Variants in KLHL18 observed in about 807,000 individuals in gnomAD.
KLHL18 encodes kelch like family member 18, also known as kelch-like protein 18.
In KLHL18, 38 loss-of-function variants were observed where a neutral mutation model predicts 58.5. That is an observed-to-expected ratio of 0.65 (90% CI 0.50 to 0.85). The LOEUF (loss-of-function observed/expected upper bound fraction) is 0.85. Among genes scored for constraint, KLHL18 ranks in the 40% least tolerant of loss-of-function variants. The pLI, the probability that KLHL18 is intolerant of heterozygous loss-of-function variation, is 0.00. For synonymous variants in KLHL18, 303 were observed against 301.9 expected, an observed-to-expected ratio of 1.00 and a Z score of -0.04; for missense variants, 624 against 778.4, an observed-to-expected ratio of 0.80 and a Z score of 2.36.
At chr3:47,342,858 G>GGGGA in intron 9 of KLHL18, 28 bp downstream of exon 9, 1 of 1,480,052 alleles carries the variant, frequency 6.8e-7, no homozygotes, top group Non-Finnish European at 9.4e-7. Flanking sequence ...CTGGGATAAG[G>GGGGA]GTACCTACTT....
chr3:47,324,850 A>G lies in KLHL18; in HGVS notation c.401+2142A>G, dbSNP rs537563574. 1.5e-3 allele frequency among the ~76,000 whole-genome samples: 236 copies of G among 152,302 alleles called. 1 individual carries two copies. The highest frequency in any genetic ancestry group is 3.0e-3 in the Non-Finnish European group (201 of 68,030). On this transcript the variant is annotated intron_variant, in intron 3 of 9. Coordinates refer to ENST00000232766, the MANE Select transcript of KLHL18 (RefSeq NM_025010.5). ...CTGTCTCTAAAAACTAAAAAGAAAAAAGAAAAGTCATTTTTAGGCCAGTGC... is the reference window on the plus strand; with the variant it reads ...CTGTCTCTAAAAACTAAAAAGAAAAGAGAAAAGTCATTTTTAGGCCAGTGC...
At position 47,344,243 on chromosome 3, in the gene KLHL18, C is replaced by G. The variant is rs570404494; in HGVS notation, c.*302C>G. The G allele has an allele frequency of 2.0e-4, 84 of 410,616 alleles. No homozygotes were observed. Among genetic ancestry groups the G allele is most frequent in the Middle Eastern group, 1.3e-3 (2 of 1,548 alleles). 25.4% of individuals were successfully genotyped at this position (410,616 alleles called of 1,614,324 possible). On this transcript the variant is annotated 3_prime_UTR_variant, in exon 10 of 10. Transcript: ENST00000232766. ...CCATCCAGGCCCAGCTCCTACCCAC[C>G]GCCTCTCTGTGGGCCAGCTGTTCAC...
intron 8 of KLHL18, 128 bp downstream of exon 8, chr3:47,340,804 C>T (rs1704093734): frequency 1.1e-6 from 1 of 910,202 alleles, no homozygotes; most frequent in Non-Finnish European, 1.7e-6. Flanking sequence ...CCGTATAGTA[C>T]TTTGTATATA....
rs111975390 is a variant in KLHL18, at chr3:47,334,695, C to T, written c.774C>T (p.Asp258=). The T allele has an allele frequency of 2.5e-5, 40 of 1,614,000 alleles. No individual in the cohort carries two copies. In the Admixed American group the frequency reaches 3.2e-4, roughly 13 times the overall value. The change falls in exon 6 of 10, where the codon GAC becomes GAT. Residue 258 remains aspartate (D), a synonymous_variant. Transcript: ENST00000232766. This position sits in a 1 kb window ranked among gnomAD's most constrained non-coding sequence, Gnocchi z 4.7. ...RCCHKCRDLV[D]EAKDYHLMPE... is the part of the protein sequence containing the mutation. ...CACCTTATTCTAGGGACCTGGTAGA[C>T]GAAGCAAAGGACTACCACCTCATGC...
At chr3:47,326,519 CT>C (rs1703726385) in intron 3 of KLHL18, among the ~76,000 whole-genome samples, 1 of 152,128 alleles carries the variant, frequency 6.6e-6, no homozygotes, top group Non-Finnish European at 1.5e-5. Flanking sequence ...GCATGGGCCC[CT>C]TTCCTGTGTG....
chr3:47,332,193 C>T (rs1435568912), intron 4 of KLHL18, among the ~76,000 whole-genome samples: 1 of 151,802 alleles, frequency 6.6e-6, no homozygotes, highest in Non-Finnish European at 1.5e-5. Flanking sequence ...CTACTAAAAG[C>T]ACAGAAGTTA....
chr3:47,296,156 T>C (rs1009023999), intron 1 of KLHL18, among the ~76,000 whole-genome samples: 7 of 152,218 alleles, frequency 4.6e-5, no homozygotes, highest in Non-Finnish European at 7.3e-5. Flanking sequence ...TTACATCCTG[T>C]GCACATTAAA....
chr3:47,308,023 G>C (rs186324930), intron 1 of KLHL18, among the ~76,000 whole-genome samples: 3 of 152,010 alleles, frequency 2.0e-5, no homozygotes, highest in African/African-American at 4.8e-5. Context: ...TATCCCTACT[G>C]CTTCTCCATT....
At chr3:47,332,883 G>A (rs958451141) in intron 4 of KLHL18, among the ~76,000 whole-genome samples, 2 of 152,126 alleles carry the variant, frequency 1.3e-5, no homozygotes, top group Non-Finnish European at 2.9e-5. Context: ...CAGGAGCAGC[G>A]GGAAGGGAAA....
intron 1 of KLHL18, among the ~76,000 whole-genome samples, chr3:47,296,090 G>A (rs59695705): frequency 0.071 from 10,857 of 152,158 alleles, 1,284 homozygotes; most frequent in African/African-American, 0.24. Flanking sequence ...GGGCCTGTTC[G>A]AAGTGCAGAA....
chr3:47,338,913 C>T (rs941241972), intron 7 of KLHL18: 2 of 152,354 alleles, frequency 1.3e-5, no homozygotes, highest in South Asian at 2.1e-4. Flanking sequence ...ACCAGCATCA[C>T]ATTTGAAAAT....
At chr3:47,307,288 G>C (rs756844670) in intron 1 of KLHL18, among the ~76,000 whole-genome samples, 1 of 152,118 alleles carries the variant, frequency 6.6e-6, no homozygotes, top group African/African-American at 2.4e-5. Context: ...GGCCAGGCTG[G>C]TCTTGATCTC....
At chr3:47,319,617 C>A (rs766738154) in intron 1 of KLHL18, 36 bp from the exon 2 acceptor site, 18 of 1,605,808 alleles carry the variant, frequency 1.1e-5, no homozygotes, top group Non-Finnish European at 1.4e-5. Context: ...TTTTGCATTC[C>A]TCAATATCTG....
At chr3:47,288,713 TC>T (rs1339828407) in intron 1 of KLHL18, among the ~76,000 whole-genome samples, 1 of 151,896 alleles carries the variant, frequency 6.6e-6, no homozygotes, top group Non-Finnish European at 1.5e-5. Flanking sequence ...TTAAAAAAAA[TC>T]ACATTCTGTA....
At position 47,346,450 on chromosome 3, in the gene KLHL18, C is replaced by G. The variant is rs772565245; in HGVS notation, c.*2509C>G. 1.3e-5 allele frequency: 2 copies of G among 152,568 alleles called. No individual in the cohort carries two copies. Among genetic ancestry groups the G allele is most frequent in the South Asian group, 2.1e-4 (1 of 4,832 alleles). The allele number at this position is 152,568 out of a possible 1,614,324, so 9.5% of individuals were successfully genotyped here. A position where few individuals can be genotyped will look rare whatever the true frequency, so the allele number is the denominator to read the frequency against. On this transcript the variant is annotated 3_prime_UTR_variant, in exon 10 of 10. Transcript: ENST00000232766. The stretch of plus-strand genomic sequence containing the variant: ...CTGGTCTGGCTCTTTGGTGTTGGAG[C>G]CTTTCCAATAGCCCCATGAAAAGAA...
Position 47,329,973 on chromosome 3 carries a change from G to C in KLHL18, c.424G>C (p.Gly142Arg). 1.2e-6 allele frequency: 2 copies of C among 1,614,050 alleles called. No individual in the cohort carries two copies. Among genetic ancestry groups the C allele is most frequent in the Non-Finnish European group, 1.7e-6 (2 of 1,180,018 alleles). ...RERLHPKNCL[G>R]VRQFAETMMC... is the part of the protein sequence containing the mutation. ...AAGGCTTCACCCAAAAAACTGCCTG[G>C]GTGTGCGCCAGTTTGCTGAGACAAT... Residue 142 changes from glycine to arginine, a missense_variant, in exon 4 of 10, where the codon GGT (glycine) becomes CGT (arginine). Gly to Arg is a moderately radical substitution (Grantham distance 125). Transcript: ENST00000232766.
intron 1 of KLHL18, chr3:47,297,804 C>T: frequency 2.9e-6 from 1 of 347,734 alleles, no homozygotes; most frequent in Middle Eastern, 5.7e-4. Flanking sequence ...ATATAACCTT[C>T]CTTTCTTTGG....
At chr3:47,315,527 C>T (rs1456133005) in intron 1 of KLHL18, among the ~76,000 whole-genome samples, 1 of 152,202 alleles carries the variant, frequency 6.6e-6, no homozygotes, top group African/African-American at 2.4e-5. Context: ...TGTAGGCCGA[C>T]AGATATTTCC....
intron 1 of KLHL18, among the ~76,000 whole-genome samples, chr3:47,316,460 A>T (rs1257938325): frequency 1.5e-5 from 2 of 134,620 alleles, no homozygotes; most frequent in African/African-American, 5.8e-5. Flanking sequence ...TGTCTGTACA[A>T]ATATATATAT....
Sources: allele counts gnomAD v4.1 joint callset (sites outside exome capture counted in the v4.1 genomes callset), GRCh38; gene constraint gnomAD v4.1.1; non-coding constraint Gnocchi (gnomAD v3.1); transcripts MANE v1.5; gene names NCBI Gene and HGNC (gene_info 2026-07-23, HGNC 2026-07-21).